The following TBCD variants were observed in gnomAD, a reference collection of about 807,000 sequenced individuals.
TBCD encodes the protein tubulin folding cofactor D, also known as tubulin-specific chaperone D.
A neutral mutation model predicts 169.3 loss-of-function variants in TBCD; 105 were observed. The observed-to-expected ratio is 0.62, with a 90% CI of 0.53 to 0.73. The LOEUF is 0.73. TBCD is among the 30% of genes least tolerant of loss of function. The pLI is 0.00. For synonymous variants in TBCD, 700 were observed against 643.9 expected, an observed-to-expected ratio of 1.09 and a Z score of -1.32; for missense variants, 1,444 against 1,600.1, an observed-to-expected ratio of 0.90 and a Z score of 1.66.
intron 23 of TBCD, among the ~76,000 whole-genome samples, chr17:82,916,066 G>A (rs1394478069): frequency 6.6e-6 from 1 of 152,126 alleles, no homozygotes; most frequent in Non-Finnish European, 1.5e-5. Flanking sequence ...TGTTCCGTGG[G>A]AATTCACTGG....
At chr17:82,856,969 C>T (rs979113397) in intron 13 of TBCD, among the ~76,000 whole-genome samples, 4 of 144,782 alleles carry the variant, frequency 2.8e-5, no homozygotes, top group African/African-American at 1.0e-4. Context: ...TGCGGACCCT[C>T]GGTGCGCATC....
At chr17:82,913,292 T>TC (rs1186474862) in intron 23 of TBCD, 1 of 152,302 alleles carries the variant, frequency 6.6e-6, no homozygotes, top group East Asian at 1.9e-4. Context: ...CCTACGACCT[T>TC]CACACGACCT....
chr17:82,912,268 T>G (rs1452690944), intron 23 of TBCD, among the ~76,000 whole-genome samples: 1 of 152,226 alleles, frequency 6.6e-6, no homozygotes. Flanking sequence ...GCGAAGCTCC[T>G]TACACACCCG....
rs1207314921 is a variant in TBCD, at chr17:82,930,170, C to T, written c.2992-352C>T. The T allele has an allele frequency of 1.6e-5, 5 of 314,632 alleles. No homozygotes were observed. Among genetic ancestry groups the T allele is most frequent in the South Asian group, 7.4e-5 (2 of 26,892 alleles). 19.5% of individuals were successfully genotyped at this position (314,632 alleles called of 1,614,324 possible). On this transcript the variant is annotated intron_variant, in intron 32 of 38. Transcript: ENST00000355528. This position sits in a 1 kb window ranked among gnomAD's most constrained non-coding sequence, Gnocchi z 5.2. ...CCCGGGCCACATGCGAGCGGGGCCC[C>T]GAGACATTCTGCACTCGGGAATTGC...
intron 5 of TBCD, 26 bp from the exon 6 acceptor site, chr17:82,772,426 T>G (rs781188925): frequency 1.7e-4 from 270 of 1,613,606 alleles, no homozygotes; most frequent in Non-Finnish European, 2.2e-4. Context: ...GGAGTGACCG[T>G]GTCTGTGCTT....
At chr17:82,811,386 T>C (rs565972677) in intron 12 of TBCD, among the ~76,000 whole-genome samples, 12 of 152,360 alleles carry the variant, frequency 7.9e-5, no homozygotes, top group African/African-American at 2.9e-4. Context: ...CTCACCTTCT[T>C]GGTCTAGTTT....
chr17:82,870,316 T>G lies in TBCD; in HGVS notation c.1411T>G (p.Cys471Gly). The change falls in exon 14 of 39, where the codon TGC becomes GGC. Residue 471 changes from cysteine to glycine, a missense_variant. Cys to Gly is a radical substitution (Grantham distance 159). Transcript: ENST00000355528. ...CGTCAGGGACGCCGCCTGCTACGTGTGCTGGGCCTTCGCGCGTGCCTATGA... is the reference window on the plus strand; with the variant it reads ...CGTCAGGGACGCCGCCTGCTACGTGGGCTGGGCCTTCGCGCGTGCCTATGA... ...TNVRDAACYV[C>G]WAFARAYEPQ... The G allele has an allele frequency of 6.2e-7, 1 of 1,613,588 alleles. No homozygotes were observed. Among genetic ancestry groups the G allele is most frequent in the Non-Finnish European group, 8.5e-7 (1 of 1,179,886 alleles).
Position 82,840,956 on chromosome 17 carries a change from T to TTG in TBCD, c.1318+26023_1318+26024insGT, listed in dbSNP as rs1376596900. Among the ~76,000 whole-genome samples, 6 of 24,080 alleles carry TTG rather than the reference T, an allele frequency of 2.5e-4. No homozygotes were observed. In the East Asian group the frequency reaches 4.4e-3, roughly 18 times the overall value. 15.8% of individuals were successfully genotyped at this position (24,080 alleles called of 152,430 possible). ...AGCTGGCCAGGACAGACAAACTGGT[T>TTG]TTTTTTTTTTTTTTTTTTTTTTTTT... On this transcript the variant is annotated intron_variant, in intron 13 of 38. Coordinates refer to ENST00000355528, the MANE Select transcript of TBCD (RefSeq NM_005993.5).
chr17:82,868,655 C>T (rs2057351809), intron 13 of TBCD, among the ~76,000 whole-genome samples: 1 of 152,134 alleles, frequency 6.6e-6, no homozygotes, highest in African/African-American at 2.4e-5. Flanking sequence ...ATAAAAGATC[C>T]TTAGATGCAA....
rs375065191 is a variant in TBCD, at chr17:82,939,473, C to T, written c.3476C>T (p.Ala1159Val). The change falls in exon 37 of 39, where the codon GCG (alanine) becomes GTG (valine). Residue 1159 changes from alanine to valine, a missense_variant. Coordinates refer to ENST00000355528, the MANE Select transcript of TBCD (RefSeq NM_005993.5). ...GTGGTGACTGTGCTCAGTGACACTGCGTGGTGAGTGAAGGCCCTTCCTGCA... is the reference window on the plus strand; with the variant it reads ...GTGGTGACTGTGCTCAGTGACACTGTGTGGTGAGTGAAGGCCCTTCCTGCA... ...DEVVTVLSDT[A>V]WDAELAVVRE... 20 of 1,612,280 alleles carry T rather than the reference C, an allele frequency of 1.2e-5. No individual in the cohort carries two copies. Among genetic ancestry groups the T allele is most frequent in the Middle Eastern group, 3.3e-4 (2 of 6,058 alleles).
At chr17:82,941,987 G>A in intron 38 of TBCD, 1 of 241,414 alleles carries the variant, frequency 4.1e-6, no homozygotes. Context: ...ACCAGGGTTG[G>A]CTCCTTCCTC....
intron 13 of TBCD, among the ~76,000 whole-genome samples, chr17:82,819,637 C>T (rs867707570): frequency 2.6e-5 from 4 of 152,160 alleles, no homozygotes; most frequent in African/African-American, 9.7e-5. Context: ...GAGCCATGAT[C>T]GCAGTGCTGC....
chr17:82,760,859 G>A (rs542313264), intron 2 of TBCD, among the ~76,000 whole-genome samples: 5 of 152,222 alleles, frequency 3.3e-5, no homozygotes, highest in Admixed American at 1.3e-4. Context: ...TTTGTGTGAT[G>A]GAATCATGCA....
intron 13 of TBCD, chr17:82,830,550 T>G (rs774363261): frequency 2.5e-6 from 4 of 1,614,114 alleles, no homozygotes; most frequent in Non-Finnish European, 3.4e-6. Context: ...CCTCAGAACC[T>G]TCTGTCCCAG....
intron 14 of TBCD, among the ~76,000 whole-genome samples, chr17:82,883,377 CCT>C (rs1394740666): frequency 6.6e-6 from 1 of 152,266 alleles, no homozygotes; most frequent in Non-Finnish European, 1.5e-5. Context: ...CCCCAAACCC[CCT>C]GTGTTCTGTG....
intron 13 of TBCD, among the ~76,000 whole-genome samples, chr17:82,838,360 C>G (rs4986113): frequency 0.52 from 79,056 of 151,824 alleles, 20,890 homozygotes; most frequent in South Asian, 0.65. Context: ...TGATAGGACA[C>G]AGCGGAAGTA....
chr17:82,816,020 C>T (rs1306575637), intron 13 of TBCD, among the ~76,000 whole-genome samples: 1 of 152,154 alleles, frequency 6.6e-6, no homozygotes, highest in Non-Finnish European at 1.5e-5. Flanking sequence ...CGAACATTTT[C>T]ATTGCCTCCA....
rs552754438 is a variant in TBCD at position 82,836,595 on chromosome 17, G to C, written c.1318+21661G>C. ...TACCTCTAGCGCCTGAAACACAAGCGCTCAGAGGAGCAAATGATTCCCTCA... is the reference window on the plus strand; with the variant it reads ...TACCTCTAGCGCCTGAAACACAAGCCCTCAGAGGAGCAAATGATTCCCTCA... On this transcript the variant is annotated intron_variant, in intron 13 of 38. Transcript: ENST00000355528. Among the ~76,000 whole-genome samples the C allele has an allele frequency of 2.0e-5, 3 of 151,106 alleles. No individual in the cohort carries two copies. In the South Asian group the frequency reaches 6.3e-4, roughly 32 times the overall value.
chr17:82,764,147 C>G, intron 3 of TBCD, 85 bp downstream of exon 3: 1 of 1,064,474 alleles, frequency 9.4e-7, no homozygotes. Context: ...TGTTATTTCT[C>G]AAGAAAGATA....
Sources: gnomAD v4.1 joint callset for allele counts (sites outside exome capture counted in the v4.1 genomes callset) on GRCh38, gnomAD v4.1.1 for gene constraint, Gnocchi (gnomAD v3.1) non-coding constraint, MANE v1.5 for transcripts, NCBI Gene and HGNC (gene_info 2026-07-23, HGNC 2026-07-21) for gene names.